The following SPMIP2 variants were observed in gnomAD, a reference collection of about 807,000 sequenced individuals.
The protein encoded by SPMIP2 is protein SPMIP2.
At chr4:159,056,133 A>C in the SPMIP2 span, among the ~76,000 whole-genome samples, 2 of 152,118 alleles carry the variant, frequency 1.3e-5, no homozygotes, top group Non-Finnish European at 2.9e-5. Context: ...GTGCTTAGAG[A>C]CTATAGCAAT....
the SPMIP2 span, among the ~76,000 whole-genome samples, chr4:158,917,874 A>G: frequency 6.6e-6 from 1 of 151,748 alleles, no homozygotes; most frequent in African/African-American, 2.4e-5. Flanking sequence ...GGTGCCTGCC[A>G]AGCCTGGCTA....
chr4:158,931,639 C>A, the SPMIP2 span, among the ~76,000 whole-genome samples: 1 of 152,064 alleles, frequency 6.6e-6, no homozygotes, highest in African/African-American at 2.4e-5. Context: ...ACAATCTCAC[C>A]ACAACCTCCA....
the SPMIP2 span, among the ~76,000 whole-genome samples, chr4:158,927,829 A>AG: frequency 1.3e-5 from 2 of 149,992 alleles, no homozygotes; most frequent in Non-Finnish European, 2.9e-5. Flanking sequence ...CCGGGCAATG[A>AG]GGGGCTTAGC....
At chr4:158,972,083 C>T in the SPMIP2 span, among the ~76,000 whole-genome samples, 3 of 152,162 alleles carry the variant, frequency 2.0e-5, no homozygotes, top group Non-Finnish European at 4.4e-5. Flanking sequence ...TTTTTCTGGC[C>T]GGGTGTGGTG....
the SPMIP2 span, among the ~76,000 whole-genome samples, chr4:159,008,992 T>G: frequency 6.6e-6 from 1 of 152,188 alleles, no homozygotes; most frequent in African/African-American, 2.4e-5. Context: ...ATAGCAGTGG[T>G]TTATTGGGCT....
At chr4:158,936,448 C>G in the SPMIP2 span, among the ~76,000 whole-genome samples, 1 of 152,182 alleles carries the variant, frequency 6.6e-6, no homozygotes, top group Non-Finnish European at 1.5e-5. Flanking sequence ...ATATCTGTGC[C>G]GTGACTTAAA....
the SPMIP2 span, among the ~76,000 whole-genome samples, chr4:158,988,658 T>C: frequency 6.6e-6 from 1 of 152,192 alleles, no homozygotes; most frequent in Non-Finnish European, 1.5e-5. Flanking sequence ...TCTCAATAGA[T>C]GCAGAAAAGG....
the SPMIP2 span, among the ~76,000 whole-genome samples, chr4:159,029,376 T>C: frequency 3.3e-5 from 5 of 152,222 alleles, no homozygotes; most frequent in African/African-American, 1.2e-4. Context: ...AGTGCATACA[T>C]AAAGGTGCTC....
At chr4:158,904,152 T>C in the SPMIP2 span, among the ~76,000 whole-genome samples, 16 of 152,118 alleles carry the variant, frequency 1.1e-4, no homozygotes. Context: ...TACAATGAAG[T>C]TATATAGGGA....
At chr4:158,909,906 G>A in the SPMIP2 span, among the ~76,000 whole-genome samples, 3,244 of 152,244 alleles carry the variant, frequency 0.021, 143 homozygotes, top group Admixed American at 0.11. Context: ...GCCGGCCGTG[G>A]TGGCACGCGC....
At chr4:158,956,350 G>T in the SPMIP2 span, among the ~76,000 whole-genome samples, 1 of 152,226 alleles carries the variant, frequency 6.6e-6, no homozygotes, top group African/African-American at 2.4e-5. Flanking sequence ...GGATCACGAG[G>T]CCAGGAGTTT....
the SPMIP2 span, among the ~76,000 whole-genome samples, chr4:159,034,614 G>C: frequency 1.3e-5 from 2 of 152,208 alleles, no homozygotes; most frequent in Non-Finnish European, 2.9e-5. Flanking sequence ...AGGTGGGTTG[G>C]GCATGGTGGC....
At chr4:159,027,851 A>C in the SPMIP2 span, among the ~76,000 whole-genome samples, 33 of 152,330 alleles carry the variant, frequency 2.2e-4, no homozygotes, top group South Asian at 6.2e-3. Context: ...GACCACTTAC[A>C]GTTTCATTCA....
chr4:158,966,380 A>G, the SPMIP2 span, among the ~76,000 whole-genome samples: 2 of 152,236 alleles, frequency 1.3e-5, no homozygotes. Context: ...TGATCTTAAA[A>G]AGACAGGATT....
At chr4:158,990,480 A>C in the SPMIP2 span, among the ~76,000 whole-genome samples, 1 of 152,214 alleles carries the variant, frequency 6.6e-6, no homozygotes, top group Non-Finnish European at 1.5e-5. Flanking sequence ...ACTGACTTGG[A>C]ACCAACCCAA....
At chr4:158,951,651 C>T in the SPMIP2 span, among the ~76,000 whole-genome samples, 11 of 152,266 alleles carry the variant, frequency 7.2e-5, no homozygotes, top group East Asian at 1.9e-4. Flanking sequence ...GACACACACA[C>T]GCACACACAA....
At chr4:158,943,964 T>C in the SPMIP2 span, among the ~76,000 whole-genome samples, 2 of 147,708 alleles carry the variant, frequency 1.4e-5, no homozygotes, top group Admixed American at 7.2e-5. Context: ...CAAGTGATTG[T>C]TCTGCCTCAG....
At chr4:158,966,457 C>T in the SPMIP2 span, among the ~76,000 whole-genome samples, 2 of 152,202 alleles carry the variant, frequency 1.3e-5, no homozygotes, top group Non-Finnish European at 2.9e-5. Context: ...TTGGCTCACA[C>T]AGAAGTTTCA....
chr4:158,948,680 T>C, the SPMIP2 span, among the ~76,000 whole-genome samples: 1 of 151,964 alleles, frequency 6.6e-6, no homozygotes, highest in African/African-American at 2.4e-5. Flanking sequence ...AGTGGGATGT[T>C]TGACTCATGG....
Sources: gnomAD v4.1 joint callset for allele counts (sites outside exome capture counted in the v4.1 genomes callset) on GRCh38, gnomAD v4.1.1 for gene constraint, MANE v1.5 for transcripts, NCBI Gene and HGNC (gene_info 2026-07-23, HGNC 2026-07-21) for gene names.